Variants in NEK11 observed in about 807,000 individuals in gnomAD.
NEK11 encodes NIMA related kinase 11.
Under a neutral mutation model 80.7 loss-of-function variants are expected in NEK11, and 72 were observed. The ratio of observed to expected loss-of-function variants is 0.89; its 90% CI spans 0.74 to 1.08. The LOEUF (loss-of-function observed/expected upper bound fraction) is 1.08, where lower values mean the gene tolerates loss of function less well. NEK11 is among the 50% of genes least tolerant of loss of function. NEK11 has a pLI of 0.00. For missense variants in NEK11, 764 were observed against 763.6 expected (o/e 1.00, Z -0.01); for synonymous variants, 251 against 260.7 (o/e 0.96, Z 0.36).
chr3:131,262,867 T>A lies in NEK11; in HGVS notation c.1622-10611T>A, dbSNP rs1211844200. Among the ~76,000 whole-genome samples, 6 of 143,948 alleles carry A rather than the reference T, an allele frequency of 4.2e-5. No individual in the cohort carries two copies. The East Asian group carries it at 6.6e-4, about 16-fold the overall frequency. 94.4% of individuals were successfully genotyped at this position (143,948 alleles called of 152,430 possible). A position where few individuals can be genotyped will look rare whatever the true frequency, so the allele number is the denominator to read the frequency against. On this transcript the variant is annotated intron_variant, in intron 16 of 17. Coordinates refer to ENST00000383366, the MANE Select transcript of NEK11 (RefSeq NM_024800.5). The stretch of plus-strand genomic sequence containing the variant: ...TGTGATGTCCCCCTCCCTAAGTCCA[T>A]GTGTTCTCATTGTTCAACTCTCACT...
At chr3:131,094,978 G>A (rs931189684) in intron 4 of NEK11, among the ~76,000 whole-genome samples, 2 of 152,130 alleles carry the variant, frequency 1.3e-5, no homozygotes, top group Non-Finnish European at 2.9e-5. Flanking sequence ...GAAGGACCAA[G>A]CAACTGTCCA....
At chr3:131,094,073 G>C (rs2077101269) in intron 4 of NEK11, among the ~76,000 whole-genome samples, 4 of 149,870 alleles carry the variant, frequency 2.7e-5, no homozygotes, top group Admixed American at 2.0e-4. Context: ...CAAGAGTCTG[G>C]AGGGGCTCTC....
intron 3 of NEK11, among the ~76,000 whole-genome samples, chr3:131,079,449 G>A (rs1056385792): frequency 2.6e-5 from 4 of 152,212 alleles, no homozygotes; most frequent in African/African-American, 9.7e-5. Context: ...ATGTTTTCTA[G>A]TACAGGTCCT....
chr3:131,158,382 T>A (rs754505648), intron 10 of NEK11, among the ~76,000 whole-genome samples: 3 of 152,144 alleles, frequency 2.0e-5, no homozygotes, highest in Non-Finnish European at 4.4e-5. Context: ...ACTGCCCTGC[T>A]ACTGCTGCTG....
At chr3:131,207,186 A>G (rs1331718079) in intron 14 of NEK11, among the ~76,000 whole-genome samples, 1 of 152,214 alleles carries the variant, frequency 6.6e-6, no homozygotes, top group African/African-American at 2.4e-5. Flanking sequence ...ATACCCAGTA[A>G]TGGGATGGCT....
intron 5 of NEK11, among the ~76,000 whole-genome samples, chr3:131,119,419 TGTG>T (rs1398708547): frequency 7.2e-5 from 11 of 152,184 alleles, no homozygotes. Flanking sequence ...ATAAGTGCAA[TGTG>T]GTGCTGAGAA....
chr3:131,204,226 G>A (rs1333346771), intron 14 of NEK11, among the ~76,000 whole-genome samples: 1 of 152,090 alleles, frequency 6.6e-6, no homozygotes, highest in African/African-American at 2.4e-5. Context: ...GGAAGGGCAT[G>A]GATGCTCCAT....
intron 3 of NEK11, among the ~76,000 whole-genome samples, chr3:131,074,767 T>A (rs994789011): frequency 9.9e-5 from 15 of 152,192 alleles, no homozygotes; most frequent in African/African-American, 3.6e-4. Context: ...CTCTAGACCG[T>A]GGATTTTGCC....
At chr3:131,298,410 T>C (rs2096624637) in intron 17 of NEK11, among the ~76,000 whole-genome samples, 1 of 152,176 alleles carries the variant, frequency 6.6e-6, no homozygotes, top group Non-Finnish European at 1.5e-5. Context: ...CCTAGGTATT[T>C]TATTCTCTTT....
chr3:131,237,108 G>A (rs1220579650), intron 15 of NEK11, among the ~76,000 whole-genome samples: 1 of 152,162 alleles, frequency 6.6e-6, no homozygotes, highest in East Asian at 1.9e-4. Flanking sequence ...GGGAGGCTGA[G>A]GTGGGAGGAT....
At chr3:131,075,985 A>G (rs2074280456) in intron 3 of NEK11, among the ~76,000 whole-genome samples, 1 of 152,254 alleles carries the variant, frequency 6.6e-6, no homozygotes, top group Middle Eastern at 3.4e-3. Flanking sequence ...GATGACACAT[A>G]TATTTGCAAA....
chr3:131,289,028 G>T (rs942235269), intron 17 of NEK11, among the ~76,000 whole-genome samples: 3 of 152,198 alleles, frequency 2.0e-5, no homozygotes, highest in Non-Finnish European at 4.4e-5. Context: ...TAGTCTGCTC[G>T]GGTTGCCATA....
chr3:131,234,306 C>G (rs539820160), intron 15 of NEK11, among the ~76,000 whole-genome samples: 1 of 152,228 alleles, frequency 6.6e-6, no homozygotes, highest in South Asian at 2.1e-4. Flanking sequence ...CTGTTGAGTC[C>G]CAGTAGTGGG....
intron 14 of NEK11, among the ~76,000 whole-genome samples, chr3:131,172,481 T>TG (rs1486406822): frequency 6.6e-6 from 1 of 152,246 alleles, no homozygotes; most frequent in Non-Finnish European, 1.5e-5. Flanking sequence ...CTCTTTAGAT[T>TG]GGCATTAGCC....
In NEK11 at chr3:131,174,912, C is replaced by T. The variant is rs926698192; in HGVS notation, c.1399+4025C>T. ...GTGAAGTAGGCCTTGGCTGCTTACC[C>T]ACATCCTGACCAGCTGTCACCTCTT... is the stretch of plus-strand genomic sequence containing the variant. On this transcript the variant is annotated intron_variant, in intron 14 of 17. Transcript: ENST00000383366. 14 of 1,455,394 alleles carry T rather than the reference C, an allele frequency of 9.6e-6. No individual in the cohort carries two copies. The African/African-American group carries it at 1.9e-4, about 19-fold the overall frequency. 90.2% of individuals were successfully genotyped at this position (1,455,394 alleles called of 1,614,324 possible). A position where few individuals can be genotyped will look rare whatever the true frequency, so the allele number is the denominator to read the frequency against.
At position 131,063,491 on chromosome 3, in the gene NEK11, G is replaced by A. The variant is rs74584339; in HGVS notation, c.171-16932G>A. On this transcript the variant is annotated intron_variant, in intron 3 of 17. Transcript: ENST00000383366. Reference sequence around the variant, plus strand: ...GCAACTGTCCTTTTTCTCAGATGTAGTAGAAAGGAAGGGGACAGAGTGGGA... The same window carrying A: ...GCAACTGTCCTTTTTCTCAGATGTAATAGAAAGGAAGGGGACAGAGTGGGA... Among the ~76,000 whole-genome samples the A allele has an allele frequency of 1.8e-3, 272 of 152,256 alleles. 3 individuals carry two copies. The highest frequency in any genetic ancestry group is 6.2e-3 in the African/African-American group (256 of 41,550).
chr3:131,290,127 T>G (rs1166317481), intron 17 of NEK11, among the ~76,000 whole-genome samples: 1 of 152,248 alleles, frequency 6.6e-6, no homozygotes, highest in African/African-American at 2.4e-5. Flanking sequence ...TATTTTCCCA[T>G]GCAAGTCAGA....
At chr3:131,139,353 G>GAAAAAAAAAAAAAAAAA (rs71622003) in intron 7 of NEK11, among the ~76,000 whole-genome samples, 10 of 107,524 alleles carry the variant, frequency 9.3e-5, no homozygotes, top group African/African-American at 1.3e-4. Flanking sequence ...AGAGAAAAAA[G>GAAAAAAAAAAAAAAAAA]AAAAAAAAAA....
chr3:131,326,646 C>T (rs2096971248), intron 17 of NEK11, among the ~76,000 whole-genome samples: 1 of 152,246 alleles, frequency 6.6e-6, no homozygotes, highest in African/African-American at 2.4e-5. Flanking sequence ...ATCCCTAAAC[C>T]CAAGGCAAGA....
Sources: allele counts gnomAD v4.1 joint callset (sites outside exome capture counted in the v4.1 genomes callset), GRCh38; gene constraint gnomAD v4.1.1; transcripts MANE v1.5; gene names NCBI Gene and HGNC (gene_info 2026-07-23, HGNC 2026-07-21).